The following CEP170B variants were observed in gnomAD, a reference collection of about 807,000 sequenced individuals.
CEP170B encodes the protein centrosomal protein 170B.
Under a neutral mutation model 120.6 loss-of-function variants are expected in CEP170B, and 55 were observed. That is an observed-to-expected ratio of 0.46 (90% CI 0.37 to 0.57). The LOEUF is 0.57. CEP170B is among the 20% of genes least tolerant of loss of function. The probability of loss-of-function intolerance (pLI) is 0.00; values close to 1 mark genes in which losing one functional copy is unlikely to be tolerated. For synonymous variants in CEP170B, 1,033 were observed against 954.5 expected, an observed-to-expected ratio of 1.08 and a Z score of -1.52; for missense variants, 2,212 against 2,253.3, an observed-to-expected ratio of 0.98 and a Z score of 0.37.
At chr14:104,890,062 CTGGGTGGGTGGA>C (rs1442607999) in intron 13 of CEP170B, among the ~76,000 whole-genome samples, 1 of 32,372 alleles carries the variant, frequency 3.1e-5, no homozygotes, top group Admixed American at 3.6e-4. Flanking sequence ...GGATAGGTTG[CTGGGTGGGTGGA>C]TGGGTGGATG....
At chr14:104,894,045 G>C (rs1365094015) in intron 16 of CEP170B, 196 bp downstream of exon 16, 6 of 668,486 alleles carry the variant, frequency 9.0e-6, no homozygotes, top group Non-Finnish European at 1.5e-5. Flanking sequence ...AGCGCCTCCA[G>C]GGCGGCCCTT....
chr14:104,887,811 C>A lies in CEP170B; in HGVS notation c.3572C>A (p.Ala1191Asp). 6.3e-7 allele frequency: 1 copy of A among 1,586,758 alleles called. No homozygotes were observed. The highest frequency in any genetic ancestry group is 1.7e-5 in the Admixed American group (1 of 57,264). Residue 1191 changes from alanine to aspartate, a missense_variant, in exon 12 of 19, where the codon GCC becomes GAC. This residue lies in a region of CEP170B where 2,166 missense variants were observed against 2,166.7 expected (regional missense o/e 1.00). Transcript: ENST00000414716. ...ACTAGTGACCCCGAGGCAGCCCCTGCCCGCACCAGCTTCTCTGGCCGCAGT... is the reference window on the plus strand; with the variant it reads ...ACTAGTGACCCCGAGGCAGCCCCTGACCGCACCAGCTTCTCTGGCCGCAGT... ...TGTSDPEAAP[A>D]RTSFSGRSVE...
chr14:104,894,657 G>A (rs374184145), intron 18 of CEP170B, 54 bp from the exon 19 acceptor site: 1 of 1,581,050 alleles, frequency 6.3e-7, no homozygotes, highest in Non-Finnish European at 8.6e-7. Flanking sequence ...CTGACTCACA[G>A]GGTGGGAGCA....
chr14:104,878,314 C>T (rs968322187), intron 4 of CEP170B, 129 bp from the exon 5 acceptor site: 17 of 926,130 alleles, frequency 1.8e-5, no homozygotes, highest in African/African-American at 4.8e-5. Context: ...TGTGCCTCCC[C>T]GGGAAGAAAG....
At position 104,887,286 on chromosome 14, in the gene CEP170B, G is replaced by A. The variant is rs1896574744; in HGVS notation, c.3047G>A (p.Gly1016Asp). 6.2e-7 allele frequency: 1 copy of A among 1,609,194 alleles called. No homozygotes were observed. Residue 1016 changes from glycine (G) to aspartate (D), a missense_variant, in exon 12 of 19, where the codon GGC (glycine) becomes GAC (aspartate). Gly to Asp is a moderately conservative substitution (Grantham distance 94). Coordinates refer to ENST00000414716, the MANE Select transcript of CEP170B (RefSeq NM_001112726.3). ...TCAGAGAGGCAGCATCACCCACTTG[G>A]CCCGACGGACATGGGCCGTGGAGAG... Reference protein sequence around the residue: ...QSSERQHHPLGPTDMGRGEPV... With the variant: ...QSSERQHHPLDPTDMGRGEPV...
rs921784675 is a variant in CEP170B, at chr14:104,885,547, A to G, written c.1944+5A>G. The G allele has an allele frequency of 1.9e-6, 3 of 1,554,218 alleles. No individual in the cohort carries two copies. The highest frequency in any genetic ancestry group is 2.7e-5 in the African/African-American group (2 of 73,420). The stretch of plus-strand genomic sequence containing the variant: ...GCCCCCCAGGCGGAGCACCAGGTAC[A>G]GGCACAGACGGCCACCCCAAGGAGG... On this transcript the variant is annotated splice_donor_5th_base_variant and intron_variant, in intron 10 of 18. Transcript: ENST00000414716.
Position 104,886,291 on chromosome 14 carries a change from T to C in CEP170B, c.2052T>C (p.Arg684=). 1.3e-6 allele frequency: 2 copies of C among 1,542,450 alleles called. No individual in the cohort carries two copies. The highest frequency in any genetic ancestry group is 4.6e-5 in the East Asian group (2 of 43,558). ...DPGLTEDGLG[R]RGGEPEGSLP... ...GCTCCACAGAGGATGGCCTGGGACG[T>C]AGAGGCGGGGAGCCGGAGGGGTCCC... is the stretch of plus-strand genomic sequence containing the variant. Residue 684 remains arginine, a synonymous_variant, in exon 12 of 19, where the codon CGT becomes CGC. Coordinates refer to ENST00000414716, the MANE Select transcript of CEP170B (RefSeq NM_001112726.3).
At chr14:104,893,418 G>A in intron 14 of CEP170B, 105 bp from the exon 15 acceptor site, 3 of 1,372,908 alleles carry the variant, frequency 2.2e-6, no homozygotes, top group Non-Finnish European at 3.0e-6. Context: ...ACAGACGGAA[G>A]GTGGGTGTGC....
At chr14:104,888,115 G>A (rs1896620138) in intron 12 of CEP170B, 137 bp downstream of exon 12, 12 of 1,011,698 alleles carry the variant, frequency 1.2e-5, no homozygotes, top group South Asian at 1.7e-5. Flanking sequence ...CAAAGCTGGG[G>A]TAGATGTGTT....
At position 104,895,110 on chromosome 14, in the gene CEP170B, C is replaced by A; in HGVS notation, c.*152C>A. ...GCGGGTGCCTCCCACGCCCTTGCCC[C>A]CTCGTCAGCTCCCAGCCAGCACCCT... On this transcript the variant is annotated 3_prime_UTR_variant, in exon 19 of 19. Transcript: ENST00000414716. 1 of 847,394 alleles carries A rather than the reference C, an allele frequency of 1.2e-6. No homozygotes were observed. Among genetic ancestry groups the A allele is most frequent in the Admixed American group, 3.1e-5 (1 of 32,562 alleles). 52.5% of individuals were successfully genotyped at this position (847,394 alleles called of 1,614,324 possible). A position where few individuals can be genotyped will look rare whatever the true frequency, so the allele number is the denominator to read the frequency against.
rs371039114 is a variant in CEP170B, at chr14:104,889,622, A to G, written c.3742A>G (p.Thr1248Ala). ...CACACGCTCCCACACCTCAACAGCC[A>G]CTCAGACCCCGAGGGCTGGCAGCTC... ...RSGSARYTST[T>A]QTPRAGSSSR... The change falls in exon 13 of 19, where the codon ACT becomes GCT. Residue 1248 changes from threonine to alanine, a missense_variant and splice_region_variant. Thr to Ala is a moderately conservative substitution (Grantham distance 58). Coordinates refer to ENST00000414716, the MANE Select transcript of CEP170B (RefSeq NM_001112726.3). 4.8e-5 allele frequency: 77 copies of G among 1,610,624 alleles called. No individual in the cohort carries two copies. The highest frequency in any genetic ancestry group is 6.2e-5 in the Non-Finnish European group (73 of 1,179,646).
intron 1 of CEP170B, among the ~76,000 whole-genome samples, chr14:104,866,384 C>T (rs1895208428): frequency 6.6e-6 from 1 of 152,166 alleles, no homozygotes; most frequent in Admixed American, 6.5e-5. Context: ...TGGGGTAGGC[C>T]CTGCCCGATA....
rs371633933 is a variant in CEP170B at position 104,883,373 on chromosome 14, G to A, written c.916G>A (p.Glu306Lys). Residue 306 changes from glutamate to lysine, a missense_variant, in exon 8 of 19, where the codon GAG (glutamate) becomes AAG (lysine). Glu to Lys is a moderately conservative substitution (Grantham distance 56). Coordinates refer to ENST00000414716, the MANE Select transcript of CEP170B (RefSeq NM_001112726.3). ...CCCGGGCAAGGAGGCCACACCTGGCGAGATGGTGTCGGCTGAGACCAAGGT... is the reference window on the plus strand; with the variant it reads ...CCCGGGCAAGGAGGCCACACCTGGCAAGATGGTGTCGGCTGAGACCAAGGT... ...RPPGKEATPG[E>K]MVSAETKVAD... 8 of 1,607,194 alleles carry A rather than the reference G, an allele frequency of 5.0e-6. No individual in the cohort carries two copies. The highest frequency in any genetic ancestry group is 3.4e-5 in the Admixed American group (2 of 59,208).
chr14:104,886,601 G>C lies in CEP170B; in HGVS notation c.2362G>C (p.Ala788Pro). 2 of 1,517,704 alleles carry C rather than the reference G, an allele frequency of 1.3e-6. No individual in the cohort carries two copies. The highest frequency in any genetic ancestry group is 1.8e-6 in the Non-Finnish European group (2 of 1,135,736). The allele number at this position is 1,517,704 out of a possible 1,614,324, so 94.0% of individuals were successfully genotyped here. The change falls in exon 12 of 19, where the codon GCC becomes CCC. Residue 788 changes from alanine to proline, a missense_variant. Ala to Pro is a conservative substitution (Grantham distance 27). Around this residue, in one of 2 missense-constraint regions of CEP170B, gnomAD observed 2,166 missense variants for 2,166.7 expected, o/e 1.00. Coordinates refer to ENST00000414716, the MANE Select transcript of CEP170B (RefSeq NM_001112726.3). ...TWSRGRRSPR[A>P]PGEPTPASFF... ...GAGCAGGGGTCGGCGCTCACCAAGGGCCCCCGGGGAGCCAACTCCCGCCTC... is the reference window on the plus strand; with the variant it reads ...GAGCAGGGGTCGGCGCTCACCAAGGCCCCCCGGGGAGCCAACTCCCGCCTC...
intron 3 of CEP170B, 147 bp from the exon 4 acceptor site, chr14:104,877,737 CA>C: frequency 1.6e-6 from 1 of 643,220 alleles, no homozygotes; most frequent in South Asian, 1.8e-5. Context: ...CTGCACAGGC[CA>C]TCACTCGCCG....
intron 2 of CEP170B, among the ~76,000 whole-genome samples, chr14:104,871,337 C>T (rs1339051896): frequency 6.6e-6 from 1 of 152,004 alleles, no homozygotes; most frequent in African/African-American, 2.4e-5. Context: ...GTCCCTTCCA[C>T]CCGGGGTCCC....
At chr14:104,874,694 A>AGTCCTCCACTGCAGTCCTCCCCTCG in intron 2 of CEP170B, among the ~76,000 whole-genome samples, 2 of 130,504 alleles carry the variant, frequency 1.5e-5, no homozygotes, top group Admixed American at 1.5e-4. Context: ...TCCTCCCCTC[A>AGTCCTCCACTGCAGTCCTCCCCTCG]GTCCTCCACT....
chr14:104,887,469 G>A lies in CEP170B; in HGVS notation c.3230G>A (p.Gly1077Asp), dbSNP rs199858140. The change falls in exon 12 of 19, where the codon GGT becomes GAT. Residue 1077 changes from glycine to aspartate, a missense_variant. By Grantham distance (94) the Gly-to-Asp change is moderately conservative. Transcript: ENST00000414716. ...TPEATGAGRL[G>D]SRRKPAAPPP... ...GAGGCCACCGGGGCAGGACGGCTAG[G>A]TTCTCGCCGGAAACCAGCGGCCCCA... The A allele has an allele frequency of 4.0e-5, 64 of 1,611,904 alleles. No homozygotes were observed. In the African/African-American group the frequency reaches 7.7e-4, roughly 19 times the overall value.
At chr14:104,879,207 GTC>G (rs1363860532) in intron 5 of CEP170B, among the ~76,000 whole-genome samples, 3 of 152,152 alleles carry the variant, frequency 2.0e-5, no homozygotes, top group Non-Finnish European at 4.4e-5. Context: ...GGGGAATTTG[GTC>G]TCTCTGTGAG....
Sources: allele counts gnomAD v4.1 joint callset (sites outside exome capture counted in the v4.1 genomes callset), GRCh38; gene constraint gnomAD v4.1.1; regional missense constraint gnomAD v4.1.1; transcripts MANE v1.5; gene names NCBI Gene and HGNC (gene_info 2026-07-23, HGNC 2026-07-21).